The following PRKG1 variants were observed in gnomAD, a reference collection of about 807,000 sequenced individuals.
The protein encoded by PRKG1 is cGMP-dependent protein kinase 1.
Under a neutral mutation model 88.1 loss-of-function variants are expected in PRKG1, and 35 were observed. That is an observed-to-expected ratio of 0.40 (90% CI 0.30 to 0.53). PRKG1 has a LOEUF of 0.53. Among genes scored for constraint, PRKG1 ranks in the 20% least tolerant of loss-of-function variants. The pLI is 0.59. For synonymous variants in PRKG1, 303 were observed against 292.5 expected, an observed-to-expected ratio of 1.04 and a Z score of -0.37; for missense variants, 540 against 839.8, an observed-to-expected ratio of 0.64 and a Z score of 4.41.
At chr10:51,354,601 C>T (rs1842325658) in intron 2 of PRKG1, among the ~76,000 whole-genome samples, 1 of 151,960 alleles carries the variant, frequency 6.6e-6, no homozygotes, top group African/African-American at 2.4e-5. Context: ...ACACACTGTA[C>T]ATCAGAATAG....
At chr10:51,086,677 G>A (rs930058803) in intron 1 of PRKG1, among the ~76,000 whole-genome samples, 1 of 152,192 alleles carries the variant, frequency 6.6e-6, no homozygotes, top group Admixed American at 6.5e-5. Context: ...CAAATTTGGT[G>A]TGCAGACAGG....
chr10:52,154,753 C>T (rs530956071), intron 8 of PRKG1, among the ~76,000 whole-genome samples: 2 of 152,200 alleles, frequency 1.3e-5, no homozygotes, highest in African/African-American at 2.4e-5. Flanking sequence ...ACCCTAATAG[C>T]GTACACTGTA....
At chr10:51,503,557 A>C (rs115508433) in intron 3 of PRKG1, among the ~76,000 whole-genome samples, 7 of 152,326 alleles carry the variant, frequency 4.6e-5, no homozygotes, top group Middle Eastern at 3.4e-3. Context: ...ACATTGGCCT[A>C]AGCCAGGTCT....
intron 1 of PRKG1, among the ~76,000 whole-genome samples, chr10:51,102,651 G>A (rs537420800): frequency 6.6e-6 from 1 of 152,100 alleles, no homozygotes; most frequent in Non-Finnish European, 1.5e-5. Flanking sequence ...AAACTCTAAA[G>A]GTTTTGACAT....
rs184428144 is a variant in PRKG1, at chr10:51,970,085, T to C, written c.762+62515T>C. Among the ~76,000 whole-genome samples, 701 of 151,370 alleles carry C rather than the reference T, an allele frequency of 4.6e-3. 7 individuals are homozygous for C. The highest frequency in any genetic ancestry group is 0.015 in the African/African-American group (635 of 41,354). On this transcript the variant is annotated intron_variant, in intron 5 of 17. Coordinates refer to ENST00000373980, the MANE Select transcript of PRKG1 (RefSeq NM_006258.4). ...ATTTATATATTTTTCTTTAATTCCC[T>C]GAACCATTATGTTATATATATCATG...
chr10:52,136,739 C>T (rs1837433624), intron 8 of PRKG1, among the ~76,000 whole-genome samples: 1 of 151,946 alleles, frequency 6.6e-6, no homozygotes, highest in Admixed American at 6.6e-5. Flanking sequence ...ATGAAGTAAG[C>T]ACTAAATAAA....
Position 51,205,135 on chromosome 10 carries a change from T to C in PRKG1, c.478+51805T>C, listed in dbSNP as rs1200087256. Among the ~76,000 whole-genome samples the C allele has an allele frequency of 1.5e-3, 143 of 94,150 alleles. 14 individuals are homozygous for C. The highest frequency in any genetic ancestry group is 7.0e-3 in the African/African-American group (118 of 16,758). The allele number at this position is 94,150 out of a possible 152,430, so 61.8% of individuals were successfully genotyped here. A position where few individuals can be genotyped will look rare whatever the true frequency, so the allele number is the denominator to read the frequency against. ...AATTTTCATTTTCTTTTCTTTTTTT[T>C]TTTTTTTTTTTTTTTTTTTTTTGAG... On this transcript the variant is annotated intron_variant, in intron 2 of 17. Coordinates refer to ENST00000373980, the MANE Select transcript of PRKG1 (RefSeq NM_006258.4).
intron 2 of PRKG1, among the ~76,000 whole-genome samples, chr10:51,272,993 G>C (rs185492964): frequency 3.2e-4 from 49 of 152,296 alleles, no homozygotes; most frequent in African/African-American, 1.2e-3. Context: ...TGTTAGAAGA[G>C]TCAGGCAGGA....
At chr10:51,961,590 C>T (rs7087653) in intron 5 of PRKG1, among the ~76,000 whole-genome samples, 7,311 of 152,262 alleles carry the variant, frequency 0.048, 425 homozygotes, top group African/African-American at 0.14. Context: ...AAAGTACAAA[C>T]ATTGATGACT....
At chr10:51,356,808 A>G (rs1056031071) in intron 2 of PRKG1, among the ~76,000 whole-genome samples, 1 of 151,992 alleles carries the variant, frequency 6.6e-6, no homozygotes, top group Non-Finnish European at 1.5e-5. Context: ...CTAGCCAGCC[A>G]TGGGCAATTG....
At chr10:51,828,583 G>A (rs1482315429) in intron 4 of PRKG1, among the ~76,000 whole-genome samples, 1 of 152,098 alleles carries the variant, frequency 6.6e-6, no homozygotes, top group Non-Finnish European at 1.5e-5. Flanking sequence ...GTGGCTCTTG[G>A]TGTAAAACAA....
At chr10:52,243,548 C>A (rs956461700) in intron 9 of PRKG1, among the ~76,000 whole-genome samples, 1 of 152,242 alleles carries the variant, frequency 6.6e-6, no homozygotes, top group East Asian at 1.9e-4. Context: ...TGACTCTCTG[C>A]TGTCATGTTT....
chr10:51,265,492 C>A (rs771587614), intron 2 of PRKG1, among the ~76,000 whole-genome samples: 16 of 151,982 alleles, frequency 1.1e-4, no homozygotes, highest in Non-Finnish European at 2.4e-4. Context: ...CTGGCAACCC[C>A]CTTAATGTTT....
At chr10:51,192,119 C>T (rs1467156977) in intron 2 of PRKG1, among the ~76,000 whole-genome samples, 3 of 151,364 alleles carry the variant, frequency 2.0e-5, no homozygotes, top group Admixed American at 1.3e-4. Context: ...AAATACTATC[C>T]CTCAAGCTAT....
chr10:51,269,291 A>G lies in PRKG1; in HGVS notation c.478+115961A>G, dbSNP rs150469995. The stretch of plus-strand genomic sequence containing the variant: ...ACTGCTAGTGGGAATGTAAACTAGT[A>G]TAATCACTGTGGAAAACACTATGGA... On this transcript the variant is annotated intron_variant, in intron 2 of 17. Coordinates refer to ENST00000373980, the MANE Select transcript of PRKG1 (RefSeq NM_006258.4). Among the ~76,000 whole-genome samples, 549 of 152,346 alleles carry G rather than the reference A, an allele frequency of 3.6e-3. 6 individuals carry two copies. Among genetic ancestry groups the G allele is most frequent in the Non-Finnish European group, 5.7e-3 (385 of 68,028 alleles).
intron 3 of PRKG1, among the ~76,000 whole-genome samples, chr10:51,622,954 G>A (rs886789731): frequency 1.3e-5 from 2 of 152,146 alleles, no homozygotes; most frequent in Non-Finnish European, 2.9e-5. Flanking sequence ...GCATGAGACA[G>A]AGTCACATGA....
intron 3 of PRKG1, among the ~76,000 whole-genome samples, chr10:51,585,463 A>C (rs1367733600): frequency 1.3e-5 from 2 of 152,134 alleles, no homozygotes; most frequent in Non-Finnish European, 2.9e-5. Context: ...TAATTGTCTT[A>C]ATTTTAATAT....
chr10:51,661,472 G>GA (rs1375752210), intron 3 of PRKG1, among the ~76,000 whole-genome samples: 30 of 152,088 alleles, frequency 2.0e-4, no homozygotes, highest in Non-Finnish European at 3.5e-4. Context: ...AAAGACACAT[G>GA]AAAAAATGCT....
At chr10:51,161,684 T>TC (rs1484488936) in intron 2 of PRKG1, among the ~76,000 whole-genome samples, 2 of 152,214 alleles carry the variant, frequency 1.3e-5, no homozygotes, top group East Asian at 1.9e-4. Context: ...TACACATTTT[T>TC]CCCATCTTAT....
Sources: gnomAD v4.1 joint callset for allele counts (sites outside exome capture counted in the v4.1 genomes callset) on GRCh38, gnomAD v4.1.1 for gene constraint, MANE v1.5 for transcripts, NCBI Gene and HGNC (gene_info 2026-07-23, HGNC 2026-07-21) for gene names.